Variants in ITSN2 observed in about 807,000 individuals in gnomAD.
ITSN2 encodes the protein intersectin-2.
A neutral mutation model predicts 243.7 loss-of-function variants in ITSN2; 156 were observed. The ratio of observed to expected loss-of-function variants is 0.64; its 90% CI spans 0.56 to 0.73. The LOEUF is 0.73. ITSN2 is among the 30% of genes least tolerant of loss of function. The pLI is 0.00. For synonymous variants in ITSN2, 703 were observed against 699.9 expected (o/e 1.00, Z -0.07); for missense variants, 1,801 against 1,996.1 (o/e 0.90, Z 1.86).
At chr2:24,216,921 T>C (rs1670011168) in intron 31 of ITSN2, among the ~76,000 whole-genome samples, 1 of 151,890 alleles carries the variant, frequency 6.6e-6, no homozygotes, top group Non-Finnish European at 1.5e-5. Flanking sequence ...CCATCTCTAC[T>C]AAAAATACAA....
rs1669513077 is a variant in ITSN2 at position 24,211,725 on chromosome 2, ACAGTGATTGTTCTTAT to A, written c.4090-794_4090-779del. 6.6e-6 allele frequency among the ~76,000 whole-genome samples: 1 copy of A among 152,226 alleles called. No individual in the cohort carries two copies. The highest frequency in any genetic ancestry group is 1.5e-5 in the Non-Finnish European group (1 of 68,042). ...AGAAGAGATATATTTACTTACTCTTACAGTGATTGTTCTTATGTTCCACTGTAGGAATATTAGTGTG... is the reference window on the plus strand; with the variant it reads ...AGAAGAGATATATTTACTTACTCTTAGTTCCACTGTAGGAATATTAGTGTG... On this transcript the variant is annotated intron_variant, in intron 33 of 39. Transcript: ENST00000355123. This position sits in a 1 kb window ranked among gnomAD's most constrained non-coding sequence, Gnocchi z 4.1.
At position 24,286,085 on chromosome 2, in the gene ITSN2, T is replaced by C. The variant is rs1679463391; in HGVS notation, c.1863+127A>G. On this transcript the variant is annotated intron_variant, in intron 16 of 39. Coordinates refer to ENST00000355123, the MANE Select transcript of ITSN2 (RefSeq NM_006277.3). ...AAACAATCTTGAAATTCTTGTATAG[T>C]TGAAATTATAAAATAAATTATGAAA... 12 of 609,424 alleles carry C rather than the reference T, an allele frequency of 2.0e-5. No homozygotes were observed. In the South Asian group the frequency reaches 2.8e-4, roughly 14 times the overall value. 37.8% of individuals were successfully genotyped at this position (609,424 alleles called of 1,614,324 possible). A position where few individuals can be genotyped will look rare whatever the true frequency, so the allele number is the denominator to read the frequency against.
At chr2:24,240,941 A>G (rs1359403272) in intron 29 of ITSN2, 1 of 152,168 alleles carries the variant, frequency 6.6e-6, no homozygotes, top group Non-Finnish European at 1.5e-5. Flanking sequence ...AGTGTTTTCC[A>G]TTCCAGGAAA....
chr2:24,252,522 C>T lies in ITSN2; in HGVS notation c.2954-11G>A. ...AAAGTGCAATATATTCTGTAGGGAA[C>T]AAAGCAAAAAGAAGTAGATTCTGGT... is the stretch of plus-strand genomic sequence containing the variant. On this transcript the variant is annotated splice_polypyrimidine_tract_variant and intron_variant, in intron 24 of 39. Coordinates refer to ENST00000355123, the MANE Select transcript of ITSN2 (RefSeq NM_006277.3). The T allele has an allele frequency of 6.3e-7, 1 of 1,584,168 alleles. No individual in the cohort carries two copies. Among genetic ancestry groups the T allele is most frequent in the Non-Finnish European group, 8.6e-7 (1 of 1,163,308 alleles).
At chr2:24,301,071 A>C (rs1681661570) in intron 11 of ITSN2, 83 bp downstream of exon 11, 2 of 734,754 alleles carry the variant, frequency 2.7e-6, no homozygotes, top group Non-Finnish European at 4.4e-6. Context: ...TAAAAATATA[A>C]AAATTCTAAA....
intron 1 of ITSN2, among the ~76,000 whole-genome samples, chr2:24,342,934 A>T (rs183758821): frequency 6.6e-6 from 1 of 151,380 alleles, no homozygotes; most frequent in Admixed American, 6.6e-5. Flanking sequence ...TACCAAAAAT[A>T]AAAAAAATCA....
rs111870773 is a variant in ITSN2 at position 24,324,676 on chromosome 2, C to T, written c.31+3376G>A. 2.7e-3 allele frequency among the ~76,000 whole-genome samples: 411 copies of T among 151,590 alleles called. 5 individuals carry two copies. Among genetic ancestry groups the T allele is most frequent in the African/African-American group, 9.6e-3 (395 of 41,254 alleles). ...CCAGCCTGGTCAACATAGTGAGACC[C>T]CTATCTCTAAAAAAAAAATTCTTTT... On this transcript the variant is annotated intron_variant, in intron 2 of 39. Transcript: ENST00000355123.
At chr2:24,226,510 G>C (rs1558450174) in intron 29 of ITSN2, among the ~76,000 whole-genome samples, 1 of 152,192 alleles carries the variant, frequency 6.6e-6, no homozygotes, top group Non-Finnish European at 1.5e-5. Flanking sequence ...ACAAAAATTG[G>C]CCAGGTATGG....
intron 1 of ITSN2, among the ~76,000 whole-genome samples, chr2:24,344,226 C>T (rs920438031): frequency 8.5e-5 from 13 of 152,144 alleles, no homozygotes; most frequent in South Asian, 2.1e-4. Context: ...GACATTAAGA[C>T]GGTTTCCAGT....
At chr2:24,304,127 A>G (rs1449725315) in intron 8 of ITSN2, among the ~76,000 whole-genome samples, 1 of 152,248 alleles carries the variant, frequency 6.6e-6, no homozygotes, top group African/African-American at 2.4e-5. Flanking sequence ...ACAAGTGGCT[A>G]ACGTGAAAGA....
chr2:24,334,824 G>A (rs2151874529), intron 1 of ITSN2: 4 of 974,382 alleles, frequency 4.1e-6, no homozygotes, highest in Middle Eastern at 3.0e-4. Flanking sequence ...AGCACTTTGG[G>A]AGGCCGAGGC....
At chr2:24,334,802 G>C (rs1327975291) in intron 1 of ITSN2, 4 of 1,268,024 alleles carry the variant, frequency 3.2e-6, no homozygotes, top group Non-Finnish European at 4.4e-6. Context: ...GGTGGCTCAC[G>C]CCTGTAATCC....
chr2:24,349,350 C>T (rs1240797960), intron 1 of ITSN2, among the ~76,000 whole-genome samples: 1 of 152,152 alleles, frequency 6.6e-6, no homozygotes, highest in Non-Finnish European at 1.5e-5. Context: ...CACAAATTTA[C>T]AAATTCTTTT....
chr2:24,241,973 A>T (rs1249605934), intron 29 of ITSN2: 4 of 152,664 alleles, frequency 2.6e-5, no homozygotes, highest in Non-Finnish European at 5.9e-5. Context: ...TGCCAGAGTG[A>T]ACAGCAGGGA....
At position 24,300,103 on chromosome 2, in the gene ITSN2, C is replaced by A; in HGVS notation, c.1150G>T (p.Ala384Ser). 2 of 1,614,158 alleles carry A rather than the reference C, an allele frequency of 1.2e-6. No individual in the cohort carries two copies. The highest frequency in any genetic ancestry group is 1.1e-5 in the South Asian group (1 of 91,068). Reference sequence around the variant, plus strand: ...TCCCTTTGTTGCTGCTCCATCAAGGCTTGGCGTCGCTTTTCCAGCTCCATG... The same window carrying A: ...TCCCTTTGTTGCTGCTCCATCAAGGATTGGCGTCGCTTTTCCAGCTCCATG... ...GNMELEKRRQ[A>S]LMEQQQREAE... Residue 384 changes from alanine (A) to serine (S), a missense_variant, in exon 12 of 40, where the codon GCC (alanine) becomes TCC (serine). By Grantham distance (99) the Ala-to-Ser change is moderately conservative. This residue lies in a region of ITSN2 where 787 missense variants were observed against 803.9 expected (regional missense o/e 0.98). Coordinates refer to ENST00000355123, the MANE Select transcript of ITSN2 (RefSeq NM_006277.3).
chr2:24,254,315 A>T, intron 24 of ITSN2, 52 bp downstream of exon 24: 1 of 1,128,786 alleles, frequency 8.9e-7, no homozygotes, highest in Non-Finnish European at 1.4e-6. Context: ...TCAGGTAGTT[A>T]GTCAAGAGCT....
In ITSN2 at chr2:24,209,819, G is replaced by A. The variant is rs188839242; in HGVS notation, c.4472C>T (p.Thr1491Met). ...KSNAQFKMYK[T>M]PIFLNEVLVK... is the part of the protein sequence containing the mutation. ...TACCCCCAGACGCGTGATACTCACC[G>A]TTTTATACATTTTGAATTGAGCATT... The change falls in exon 35 of 40, where the codon ACG becomes ATG. Residue 1491 changes from threonine to methionine, a missense_variant and splice_region_variant. Thr to Met is a moderately conservative substitution (Grantham distance 81, BLOSUM62 -1). This residue lies in a region of ITSN2 where 928 missense variants were observed against 1,065.4 expected (regional missense o/e 0.87). Transcript: ENST00000355123. 520 of 1,612,918 alleles carry A rather than the reference G, an allele frequency of 3.2e-4. No individual in the cohort carries two copies. Among genetic ancestry groups the A allele is most frequent in the Middle Eastern group, 9.9e-4 (6 of 6,060 alleles).
intron 13 of ITSN2, among the ~76,000 whole-genome samples, chr2:24,298,370 C>G (rs554743726): frequency 6.6e-6 from 1 of 152,078 alleles, no homozygotes; most frequent in African/African-American, 2.4e-5. Context: ...ATTGGCCAGG[C>G]TGGTCTTGAA....
chr2:24,341,285 ACT>A (rs1687021516), intron 1 of ITSN2, among the ~76,000 whole-genome samples: 1 of 152,176 alleles, frequency 6.6e-6, no homozygotes, highest in African/African-American at 2.4e-5. Flanking sequence ...TATAGTGAAC[ACT>A]CTATCTAGAA....
Sources: gnomAD v4.1 joint callset for allele counts (sites outside exome capture counted in the v4.1 genomes callset) on GRCh38, gnomAD v4.1.1 for gene constraint, gnomAD v4.1.1 regional missense constraint, Gnocchi (gnomAD v3.1) non-coding constraint, MANE v1.5 for transcripts, NCBI Gene and HGNC (gene_info 2026-07-23, HGNC 2026-07-21) for gene names.